AHCTF1: variants seen among roughly 807,000 people sequenced by gnomAD.
The protein encoded by AHCTF1 is protein ELYS.
Under a neutral mutation model 248.4 loss-of-function variants are expected in AHCTF1, and 24 were observed. The observed-to-expected ratio is 0.10, with a 90% CI of 0.07 to 0.14. AHCTF1 has a LOEUF of 0.14. AHCTF1 is among the 10% of genes least tolerant of loss of function. AHCTF1 has a pLI of 1.00. For missense variants in AHCTF1, 2,206 were observed against 2,636.2 expected (o/e 0.84, Z 3.57); for synonymous variants, 786 against 929.8 (o/e 0.85, Z 2.81).
At chr1:246,909,414 A>G (rs1330451855) in intron 4 of AHCTF1, among the ~76,000 whole-genome samples, 2 of 150,380 alleles carry the variant, frequency 1.3e-5, no homozygotes, top group African/African-American at 4.9e-5. Context: ...AAAAAAAAAA[A>G]AAAAAAAAAT....
intron 13 of AHCTF1, among the ~76,000 whole-genome samples, chr1:246,895,236 CTTAATTTTCTTGATTTT>C (rs1376226638): frequency 6.6e-6 from 1 of 152,088 alleles, no homozygotes; most frequent in Non-Finnish European, 1.5e-5. Context: ...AGATAAAAGT[CTTAATTTTCTTGATTTT>C]TTATGATCAC....
At chr1:246,887,453 A>T in intron 19 of AHCTF1, 96 bp from the exon 20 acceptor site, 1 of 1,257,554 alleles carries the variant, frequency 8.0e-7, no homozygotes, top group Non-Finnish European at 1.1e-6. Context: ...GCATTAAAAG[A>T]GACTTGAAAT....
Position 246,861,154 on chromosome 1 carries a change from C to T in AHCTF1, c.3877G>A (p.Glu1293Lys), listed in dbSNP as rs1661516394. The T allele has an allele frequency of 1.2e-6, 2 of 1,613,712 alleles. No individual in the cohort carries two copies. Among genetic ancestry groups the T allele is most frequent in the African/African-American group, 1.3e-5 (1 of 74,924 alleles). The change falls in exon 29 of 36, where the codon GAG becomes AAG. Residue 1293 changes from glutamate (E) to lysine (K), a missense_variant. This residue lies in a region of AHCTF1 where 955 missense variants were observed against 1,055.6 expected (regional missense o/e 0.90). Transcript: ENST00000648844. ...AGTTTCTCTAAACTTTGTGACCCCT[C>T]ATCCATTTCTTGATGCTCCTTTTCA... ...SPEKEHQEMD[E>K]GSQSLEKLDV...
chr1:246,863,292 A>G (rs776751741), intron 27 of AHCTF1, among the ~76,000 whole-genome samples: 2 of 152,096 alleles, frequency 1.3e-5, no homozygotes, highest in Non-Finnish European at 2.9e-5. Context: ...ACCCAGGGAC[A>G]ATGGGGAGGG....
chr1:246,903,578 C>A (rs1665154861), intron 7 of AHCTF1, among the ~76,000 whole-genome samples: 1 of 151,732 alleles, frequency 6.6e-6, no homozygotes, highest in African/African-American at 2.4e-5. Context: ...ACCTGTAATC[C>A]CAGCACTTTG....
intron 32 of AHCTF1, among the ~76,000 whole-genome samples, chr1:246,852,289 T>C (rs1452336017): frequency 2.0e-5 from 3 of 152,198 alleles, no homozygotes; most frequent in African/African-American, 7.2e-5. Flanking sequence ...GGAATACTCA[T>C]TAAGATGAGT....
chr1:246,895,488 G>C (rs1036377484), intron 13 of AHCTF1, among the ~76,000 whole-genome samples: 3 of 152,156 alleles, frequency 2.0e-5, no homozygotes, highest in African/African-American at 7.2e-5. Flanking sequence ...ATTTTGCTGA[G>C]TAAAAAAGGT....
chr1:246,854,164 T>G (rs1660928683), intron 31 of AHCTF1, among the ~76,000 whole-genome samples: 1 of 151,926 alleles, frequency 6.6e-6, no homozygotes, highest in Admixed American at 6.6e-5. Flanking sequence ...CCAGGCGTGG[T>G]GGCGGGCACC....
chr1:246,888,580 G>C, intron 17 of AHCTF1, 63 bp from the exon 18 acceptor site: 1 of 1,550,640 alleles, frequency 6.4e-7, no homozygotes, highest in Non-Finnish European at 8.8e-7. Context: ...AAAGCAACCA[G>C]CATCAAAATA....
Position 246,861,052 on chromosome 1 carries a change from G to T in AHCTF1, c.3979C>A (p.Pro1327Thr). The T allele has an allele frequency of 6.2e-7, 1 of 1,614,018 alleles. No individual in the cohort carries two copies. Among genetic ancestry groups the T allele is most frequent in the South Asian group, 1.1e-5 (1 of 91,074 alleles). ...TTLEYQDAPS[P>T]EDLEETVFTA... ...AAAACAGTCTCTTCAAGGTCTTCCG[G>T]TGACGGTGCATCCTGATACTCTAAG... Residue 1327 changes from proline to threonine, a missense_variant, in exon 29 of 36, where the codon CCG (proline) becomes ACG (threonine). Around this residue, in one of 6 missense-constraint regions of AHCTF1, gnomAD observed 955 missense variants for 1,055.6 expected, o/e 0.90. Coordinates refer to ENST00000648844, the MANE Select transcript of AHCTF1 (RefSeq NM_001323342.2).
intron 4 of AHCTF1, among the ~76,000 whole-genome samples, chr1:246,912,930 G>C (rs996135614): frequency 7.9e-5 from 12 of 151,988 alleles, no homozygotes; most frequent in African/African-American, 2.9e-4. Flanking sequence ...ATTTACTTAA[G>C]AATAGATCTT....
intron 31 of AHCTF1, among the ~76,000 whole-genome samples, chr1:246,854,490 T>G (rs370281990): frequency 6.6e-6 from 1 of 152,130 alleles, no homozygotes; most frequent in East Asian, 1.9e-4. Flanking sequence ...GCATGTAACA[T>G]CTACACTACA....
chr1:246,907,634 A>T lies in AHCTF1; in HGVS notation c.681T>A (p.Ser227Arg). ...SPTGTAVSTL[S>R]YISRTNQLAV... The stretch of plus-strand genomic sequence containing the variant: ...CAAGCTGATTTGTCCTGCTTATGTA[A>T]CTAAGAGTTGAAACAGCTGTTCCTG... The change falls in exon 5 of 36, where the codon AGT becomes AGA. Residue 227 changes from serine to arginine, a missense_variant. Transcript: ENST00000648844. 2 of 1,613,890 alleles carry T rather than the reference A, an allele frequency of 1.2e-6. No individual in the cohort carries two copies. The highest frequency in any genetic ancestry group is 1.7e-6 in the Non-Finnish European group (2 of 1,179,832).
At position 246,890,034 on chromosome 1, in the gene AHCTF1, T is replaced by C. The variant is rs766307001; in HGVS notation, c.2076A>G (p.Leu692=). Residue 692 remains leucine, a synonymous_variant, in exon 17 of 36, where the codon TTA becomes TTG. Transcript: ENST00000648844. Reference sequence around the variant, plus strand: ...TCTGAATTACAGGGTAGTTGTAGCATAACCTTGACAACTGCACAGAATCAT... The same window carrying C: ...TCTGAATTACAGGGTAGTTGTAGCACAACCTTGACAACTGCACAGAATCAT... ...GIDDSVQLSR[L]CYNYPVIQNY... is the part of the protein sequence containing the mutation. 1 of 1,612,776 alleles carries C rather than the reference T, an allele frequency of 6.2e-7. No homozygotes were observed. The highest frequency in any genetic ancestry group is 1.1e-5 in the South Asian group (1 of 90,938).
At chr1:246,841,714 T>G (rs190783816) in intron 35 of AHCTF1, among the ~76,000 whole-genome samples, 14 of 152,274 alleles carry the variant, frequency 9.2e-5, no homozygotes. Flanking sequence ...CCTTTCCTAC[T>G]TTTTCTGCAA....
chr1:246,899,774 A>G (rs1289729054), intron 10 of AHCTF1, among the ~76,000 whole-genome samples: 1 of 152,224 alleles, frequency 6.6e-6, no homozygotes, highest in Admixed American at 6.5e-5. Flanking sequence ...AAAAGCTACT[A>G]TAAAATGCAC....
At chr1:246,921,993 CAG>C (rs1666577570) in intron 1 of AHCTF1, among the ~76,000 whole-genome samples, 1 of 152,170 alleles carries the variant, frequency 6.6e-6, no homozygotes, top group Non-Finnish European at 1.5e-5. Flanking sequence ...ATAAACCATA[CAG>C]AGTCTTCTTA....
chr1:246,851,266 T>C lies in AHCTF1; in HGVS notation c.4740A>G (p.Glu1580=). The C allele has an allele frequency of 6.2e-7, 1 of 1,613,986 alleles. No individual in the cohort carries two copies. The change falls in exon 33 of 36, where the codon GAA becomes GAG. Residue 1580 remains glutamate, a synonymous_variant. Transcript: ENST00000648844. Reference sequence around the variant, plus strand: ...GAGCCACAAAAAGTTCCCCATCTACTTCAGCAATGTCACATTCAGCAGTGT... The same window carrying C: ...GAGCCACAAAAAGTTCCCCATCTACCTCAGCAATGTCACATTCAGCAGTGT... The part of the protein sequence containing the change: ...NKDTAECDIA[E]VDGELFVAQS...
intron 1 of AHCTF1, among the ~76,000 whole-genome samples, chr1:246,918,898 T>A (rs762149312): frequency 9.9e-5 from 15 of 152,204 alleles, no homozygotes; most frequent in Non-Finnish European, 1.6e-4. Flanking sequence ...AAAAAGTGAT[T>A]GGTGTCTTTT....
Sources: allele counts gnomAD v4.1 joint callset (sites outside exome capture counted in the v4.1 genomes callset), GRCh38; gene constraint gnomAD v4.1.1; regional missense constraint gnomAD v4.1.1; transcripts MANE v1.5; gene names NCBI Gene and HGNC (gene_info 2026-07-23, HGNC 2026-07-21).